Variants in COG6 observed in about 807,000 individuals in gnomAD.
The protein encoded by COG6 is conserved oligomeric Golgi complex subunit 6.
In COG6, 74 loss-of-function variants were observed where a neutral mutation model predicts 88.8. That is an observed-to-expected ratio of 0.83 (90% CI 0.69 to 1.01). The LOEUF (loss-of-function observed/expected upper bound fraction) is 1.01, where lower values mean the gene tolerates loss of function less well. Ranked by LOEUF, COG6 falls within the 50% of genes least tolerant of loss-of-function variation. COG6 has a pLI of 0.00. For missense variants in COG6, 800 were observed against 797.9 expected (o/e 1.00, Z -0.03); for synonymous variants, 286 against 278.7 (o/e 1.03, Z -0.26).
chr13:39,689,237 A>G (rs759852649), intron 10 of COG6, among the ~76,000 whole-genome samples: 14 of 152,210 alleles, frequency 9.2e-5, no homozygotes, highest in Non-Finnish European at 1.3e-4. Flanking sequence ...ATCTGTGAAA[A>G]TGAAGGTGAT....
chr13:39,779,091 C>T (rs532131193), intron 18 of COG6, among the ~76,000 whole-genome samples: 15 of 152,224 alleles, frequency 9.9e-5, no homozygotes, highest in African/African-American at 2.9e-4. Flanking sequence ...AACTGTCACA[C>T]TGCGTGACCT....
chr13:39,746,443 A>C (rs1007321900), intron 18 of COG6, among the ~76,000 whole-genome samples: 5 of 152,122 alleles, frequency 3.3e-5, no homozygotes, highest in African/African-American at 9.7e-5. Flanking sequence ...ACAACAACAA[A>C]AAAATTCACT....
chr13:39,715,814 T>C (rs1381425224), intron 13 of COG6, among the ~76,000 whole-genome samples: 1 of 152,046 alleles, frequency 6.6e-6, no homozygotes, highest in East Asian at 1.9e-4. Context: ...GAGATCACTC[T>C]ATTAATTTTG....
At chr13:39,656,346 G>A in intron 1 of COG6, 1 of 355,036 alleles carries the variant, frequency 2.8e-6, no homozygotes, top group Middle Eastern at 6.7e-4. Flanking sequence ...ACGGACAAGT[G>A]ACAACAATTG....
intron 15 of COG6, among the ~76,000 whole-genome samples, chr13:39,722,621 A>C (rs1246333527): frequency 6.6e-6 from 1 of 150,810 alleles, no homozygotes; most frequent in African/African-American, 2.4e-5. Flanking sequence ...CTGGCACAAA[A>C]AAAAAAAAAA....
At chr13:39,783,375 A>G (rs1458600594) in intron 18 of COG6, among the ~76,000 whole-genome samples, 1 of 152,234 alleles carries the variant, frequency 6.6e-6, no homozygotes, top group African/African-American at 2.4e-5. Flanking sequence ...GCTTAACAAC[A>G]CAAAAGCCTG....
At chr13:39,667,881 A>C (rs1875369107) in intron 4 of COG6, among the ~76,000 whole-genome samples, 1 of 152,216 alleles carries the variant, frequency 6.6e-6, no homozygotes, top group Non-Finnish European at 1.5e-5. Flanking sequence ...TGTTTTAAAA[A>C]AGGCTAAATT....
intron 17 of COG6, among the ~76,000 whole-genome samples, chr13:39,727,249 G>A (rs2138092158): frequency 6.6e-6 from 1 of 152,132 alleles, no homozygotes; most frequent in East Asian, 1.9e-4. Context: ...TCAGGATTTT[G>A]AAAGTAAGTA....
At chr13:39,727,351 GTTAT>G in intron 17 of COG6, 114 bp from the exon 18 acceptor site, 1 of 775,936 alleles carries the variant, frequency 1.3e-6, no homozygotes, top group South Asian at 1.4e-5. Flanking sequence ...CAACAATCTA[GTTAT>G]TTAGAGTATG....
intron 18 of COG6, among the ~76,000 whole-genome samples, chr13:39,747,199 G>C (rs1461125018): frequency 1.3e-5 from 2 of 152,148 alleles, no homozygotes; most frequent in Non-Finnish European, 2.9e-5. Context: ...ATATAGAACT[G>C]ATTAGAAAAT....
At chr13:39,761,859 A>G (rs557624452) in intron 18 of COG6, among the ~76,000 whole-genome samples, 1 of 152,030 alleles carries the variant, frequency 6.6e-6, no homozygotes, top group South Asian at 2.1e-4. Flanking sequence ...TATTATCAAA[A>G]AGAGAAAAAA....
intron 1 of COG6, chr13:39,656,919 T>C (rs555098938): frequency 2.2e-6 from 1 of 452,856 alleles, no homozygotes; most frequent in South Asian, 1.6e-5. Context: ...AGCCTGGCAC[T>C]TACTCTTTCT....
At chr13:39,748,560 A>G (rs544911425) in intron 18 of COG6, among the ~76,000 whole-genome samples, 89 of 152,180 alleles carry the variant, frequency 5.8e-4, no homozygotes, top group African/African-American at 2.1e-3. Context: ...GGTTGCAGTG[A>G]GCCAAGATCA....
intron 16 of COG6, 49 bp downstream of exon 16, chr13:39,723,489 A>G: frequency 9.3e-7 from 1 of 1,076,158 alleles, no homozygotes. Context: ...GCCAGTTTAG[A>G]GTATGTCTTC....
chr13:39,694,029 T>C (rs921183870), intron 11 of COG6, among the ~76,000 whole-genome samples: 11 of 151,788 alleles, frequency 7.2e-5, no homozygotes, highest in Admixed American at 2.0e-4. Flanking sequence ...AAAAGAAGGA[T>C]CAGTGAGGGA....
chr13:39,722,310 T>TAAA (rs558688717), intron 15 of COG6, among the ~76,000 whole-genome samples: 51 of 144,340 alleles, frequency 3.5e-4, no homozygotes, highest in African/African-American at 1.3e-3. Context: ...GGCATTTATT[T>TAAA]AAAAAAAAAA....
At chr13:39,714,977 TCTTA>T (rs915298809) in intron 13 of COG6, among the ~76,000 whole-genome samples, 1 of 152,140 alleles carries the variant, frequency 6.6e-6, no homozygotes, top group African/African-American at 2.4e-5. Context: ...AACTGTATGT[TCTTA>T]CTTGTAAGTG....
At chr13:39,671,354 C>CT (rs1186909413) in intron 4 of COG6, among the ~76,000 whole-genome samples, 4 of 149,788 alleles carry the variant, frequency 2.7e-5, no homozygotes, top group African/African-American at 2.5e-5. Context: ...TGAAAAAGAG[C>CT]TTTTTTTTGC....
chr13:39,677,674 A>T (rs1876055784), intron 5 of COG6, 95 bp downstream of exon 5: 1 of 663,524 alleles, frequency 1.5e-6, no homozygotes, highest in Non-Finnish European at 2.6e-6. Context: ...CCATTAAAAA[A>T]AGTTTCATCT....
Sources: allele counts gnomAD v4.1 joint callset (sites outside exome capture counted in the v4.1 genomes callset), GRCh38; gene constraint gnomAD v4.1.1; transcripts MANE v1.5; gene names NCBI Gene and HGNC (gene_info 2026-07-23, HGNC 2026-07-21).